Variants in KCNJ3 observed in about 807,000 individuals in gnomAD.
KCNJ3 encodes potassium inwardly rectifying channel subfamily J member 3.
A neutral mutation model predicts 39.2 loss-of-function variants in KCNJ3; 4 were observed. That is an observed-to-expected ratio of 0.10 (90% CI 0.05 to 0.23). The LOEUF is 0.23. KCNJ3 is among the 10% of genes least tolerant of loss of function. The pLI, the probability that KCNJ3 is intolerant of heterozygous loss-of-function variation, is 1.00. For missense variants in KCNJ3, 276 were observed against 634.9 expected (o/e 0.43, Z 6.08); for synonymous variants, 230 against 237.4 (o/e 0.97, Z 0.29).
chr2:154,819,972 T>C (rs941495237), intron 2 of KCNJ3, among the ~76,000 whole-genome samples: 5 of 152,164 alleles, frequency 3.3e-5, no homozygotes, highest in Admixed American at 6.6e-5. Context: ...AGCTGTGTGC[T>C]TTGCATTTGT....
chr2:154,842,831 C>G (rs566175502), intron 2 of KCNJ3, among the ~76,000 whole-genome samples: 7 of 151,924 alleles, frequency 4.6e-5, no homozygotes, highest in African/African-American at 1.7e-4. Flanking sequence ...AGCCTATGTG[C>G]GTCTTTGCAC....
chr2:154,716,531 T>A (rs1443841489), intron 2 of KCNJ3, among the ~76,000 whole-genome samples: 1 of 152,160 alleles, frequency 6.6e-6, no homozygotes, highest in African/African-American at 2.4e-5. Flanking sequence ...ATTGGTCATT[T>A]GCTTGCAACT....
chr2:154,725,234 G>GTTT (rs35296161), intron 2 of KCNJ3, among the ~76,000 whole-genome samples: 1 of 141,618 alleles, frequency 7.1e-6, no homozygotes. Context: ...GTTATGTTCT[G>GTTT]TTTTTTTTTT....
At chr2:154,801,575 GTCTC>G (rs1053350324) in intron 2 of KCNJ3, among the ~76,000 whole-genome samples, 2 of 111,682 alleles carry the variant, frequency 1.8e-5, no homozygotes, top group Non-Finnish European at 3.8e-5. Context: ...TTCTTTCTCT[GTCTC>G]TCTCTTTCTT....
chr2:154,849,041 C>T (rs985875027), intron 2 of KCNJ3, among the ~76,000 whole-genome samples: 6 of 152,096 alleles, frequency 3.9e-5, no homozygotes, highest in Non-Finnish European at 1.5e-5. Flanking sequence ...CACAGTACTA[C>T]TTGATAGAGA....
chr2:154,777,377 A>G (rs1487582300), intron 2 of KCNJ3, among the ~76,000 whole-genome samples: 2 of 152,200 alleles, frequency 1.3e-5, no homozygotes, highest in Non-Finnish European at 2.9e-5. Flanking sequence ...AAAACCATGT[A>G]CATTTATTGG....
chr2:154,799,039 G>A (rs1184179610), intron 2 of KCNJ3, among the ~76,000 whole-genome samples: 1 of 151,896 alleles, frequency 6.6e-6, no homozygotes, highest in Non-Finnish European at 1.5e-5. Flanking sequence ...ACAGGGATGA[G>A]TACATTAGAT....
intron 2 of KCNJ3, among the ~76,000 whole-genome samples, chr2:154,814,731 C>A (rs1458032195): frequency 6.6e-6 from 1 of 152,138 alleles, no homozygotes; most frequent in Non-Finnish European, 1.5e-5. Flanking sequence ...ATCATTTTTA[C>A]TCACCTTTTA....
intron 2 of KCNJ3, among the ~76,000 whole-genome samples, chr2:154,775,855 G>A (rs1019414723): frequency 3.3e-5 from 5 of 152,156 alleles, no homozygotes; most frequent in Non-Finnish European, 7.3e-5. Context: ...TTGATGTAAC[G>A]AAAGTTTAAG....
At chr2:154,834,846 A>G (rs1344787630) in intron 2 of KCNJ3, among the ~76,000 whole-genome samples, 5 of 150,078 alleles carry the variant, frequency 3.3e-5, no homozygotes, top group African/African-American at 9.7e-5. Flanking sequence ...TGAGTTGTCT[A>G]CATCATAATA....
chr2:154,767,342 C>T (rs1205333195), intron 2 of KCNJ3, among the ~76,000 whole-genome samples: 1 of 152,058 alleles, frequency 6.6e-6, no homozygotes, highest in Non-Finnish European at 1.5e-5. Context: ...CCACTCCCCC[C>T]ACCCCATGAC....
At chr2:154,813,913 G>T (rs546731330) in intron 2 of KCNJ3, among the ~76,000 whole-genome samples, 75 of 152,262 alleles carry the variant, frequency 4.9e-4, no homozygotes, top group African/African-American at 1.7e-3. Flanking sequence ...TTAATGTTAT[G>T]TTTCAATATT....
chr2:154,851,860 A>C (rs2105140568), intron 2 of KCNJ3, among the ~76,000 whole-genome samples: 1 of 152,274 alleles, frequency 6.6e-6, no homozygotes, highest in South Asian at 2.1e-4. Context: ...AAATTTTATA[A>C]GATTTTATTT....
At chr2:154,846,938 G>A (rs1433377565) in intron 2 of KCNJ3, among the ~76,000 whole-genome samples, 1 of 152,050 alleles carries the variant, frequency 6.6e-6, no homozygotes, top group African/African-American at 2.4e-5. Flanking sequence ...GACCTAGCTT[G>A]AGCAGTAGTG....
At chr2:154,762,901 G>T (rs537848049) in intron 2 of KCNJ3, among the ~76,000 whole-genome samples, 1 of 152,170 alleles carries the variant, frequency 6.6e-6, no homozygotes, top group African/African-American at 2.4e-5. Flanking sequence ...AATAAAAAGC[G>T]GGTAGGGAGG....
chr2:154,711,565 A>G (rs970266281), intron 2 of KCNJ3, among the ~76,000 whole-genome samples: 6 of 152,094 alleles, frequency 3.9e-5, no homozygotes, highest in African/African-American at 1.2e-4. Flanking sequence ...GCGTTTTTCT[A>G]TAAAATCACG....
intron 2 of KCNJ3, among the ~76,000 whole-genome samples, chr2:154,818,427 A>G (rs1558882131): frequency 6.6e-6 from 1 of 152,148 alleles, no homozygotes; most frequent in Admixed American, 6.6e-5. Context: ...CTACTTCTCC[A>G]TCTGGAGAAC....
At chr2:154,700,330 C>T (rs943374312) in intron 1 of KCNJ3, among the ~76,000 whole-genome samples, 2 of 152,104 alleles carry the variant, frequency 1.3e-5, no homozygotes, top group Non-Finnish European at 2.9e-5. Context: ...AAGCAAGGTC[C>T]GTCTAGTCGT....
At chr2:154,737,058 G>A (rs1359562483) in intron 2 of KCNJ3, among the ~76,000 whole-genome samples, 1 of 152,108 alleles carries the variant, frequency 6.6e-6, no homozygotes, top group Non-Finnish European at 1.5e-5. Context: ...TCTTCACCTG[G>A]GGACTGATCA....
Sources: gnomAD v4.1 joint callset for allele counts (sites outside exome capture counted in the v4.1 genomes callset) on GRCh38, gnomAD v4.1.1 for gene constraint, MANE v1.5 for transcripts, NCBI Gene and HGNC (gene_info 2026-07-23, HGNC 2026-07-21) for gene names.